TXNRD1: variants seen among roughly 807,000 people sequenced by gnomAD.
TXNRD1 encodes the protein thioredoxin reductase 1.
A neutral mutation model predicts 80.3 loss-of-function variants in TXNRD1; 57 were observed. That is an observed-to-expected ratio of 0.71 (90% CI 0.57 to 0.89). The LOEUF (loss-of-function observed/expected upper bound fraction) is 0.89, where lower values mean the gene tolerates loss of function less well. Ranked by LOEUF, TXNRD1 falls within the 40% of genes least tolerant of loss-of-function variation. TXNRD1 has a pLI of 0.00. For synonymous variants in TXNRD1, 291 were observed against 285.2 expected (o/e 1.02, Z -0.20); for missense variants, 730 against 803.0 (o/e 0.91, Z 1.10).
At position 104,294,233 on chromosome 12, in the gene TXNRD1, G is replaced by GCC. The variant is rs1555212585; in HGVS notation, c.414+5203_414+5204dup. ...CTTCTCTAAACTCCCCCGGGGAAAG[G>GCC]CCCCCCCCCCCGCCGCCGGCTTTCC... On this transcript the variant is annotated intron_variant, in intron 4 of 16. Coordinates refer to ENST00000525566, the MANE Select transcript of TXNRD1 (RefSeq NM_001093771.3). 1.8e-3 allele frequency among the ~76,000 whole-genome samples: 127 copies of GCC among 68,898 alleles called. 10 individuals are homozygous for GCC. Among genetic ancestry groups the GCC allele is most frequent in the South Asian group, 7.7e-3 (10 of 1,296 alleles). 45.2% of individuals were successfully genotyped at this position (68,898 alleles called of 152,430 possible).
chr12:104,307,538 G>A (rs951135547), intron 4 of TXNRD1, among the ~76,000 whole-genome samples: 7 of 152,184 alleles, frequency 4.6e-5, no homozygotes, highest in African/African-American at 1.4e-4. Context: ...TGTTAGCTTC[G>A]TTAAGGATTA....
rs1313940871 is a variant in TXNRD1 at position 104,258,078 on chromosome 12, A to T, written c.303A>T (p.Thr101=). ...ATTTTGTGCTTGAACTTGATCAAAC[A>T]GGTAAGTTTCTGTTTAATATGTAAA... The part of the protein sequence containing the change: ...VPYFVLELDQ[T]EDGRALEGTL... Residue 101 remains threonine, a splice_region_variant and synonymous_variant, in exon 3 of 17, where the codon ACA becomes ACT. Coordinates refer to ENST00000525566, the MANE Select transcript of TXNRD1 (RefSeq NM_001093771.3). 3 of 1,547,596 alleles carry T rather than the reference A, an allele frequency of 1.9e-6. No individual in the cohort carries two copies. Among genetic ancestry groups the T allele is most frequent in the Non-Finnish European group, 2.6e-6 (3 of 1,142,884 alleles).
chr12:104,288,789 G>A, intron 3 of TXNRD1, 142 bp from the exon 4 acceptor site: 2 of 1,566,336 alleles, frequency 1.3e-6, no homozygotes, highest in Non-Finnish European at 1.7e-6. Context: ...AATGCAGCAA[G>A]TCATGCTAAC....
intron 16 of TXNRD1, among the ~76,000 whole-genome samples, chr12:104,347,980 T>C (rs757952359): frequency 6.6e-6 from 1 of 152,098 alleles, no homozygotes; most frequent in Non-Finnish European, 1.5e-5. Context: ...AAAAGGCCAA[T>C]GGGGTGGCAC....
chr12:104,242,446 G>A (rs2135695831), intron 1 of TXNRD1, among the ~76,000 whole-genome samples: 1 of 151,946 alleles, frequency 6.6e-6, no homozygotes, highest in South Asian at 2.1e-4. Flanking sequence ...TACTTGGGAG[G>A]CTGAGGCAGG....
chr12:104,242,152 T>A (rs1310349427), intron 1 of TXNRD1, among the ~76,000 whole-genome samples: 1 of 151,402 alleles, frequency 6.6e-6, no homozygotes, highest in Non-Finnish European at 1.5e-5. Flanking sequence ...TTGGCCAGAG[T>A]GGTCTTGAAC....
chr12:104,277,325 G>A (rs552965753), intron 3 of TXNRD1, among the ~76,000 whole-genome samples: 8 of 151,672 alleles, frequency 5.3e-5, no homozygotes, highest in African/African-American at 9.7e-5. Flanking sequence ...ACATGAACCC[G>A]GGAGGCGGAG....
chr12:104,327,193 G>T (rs917826936), intron 12 of TXNRD1, among the ~76,000 whole-genome samples: 1 of 152,184 alleles, frequency 6.6e-6, no homozygotes, highest in Non-Finnish European at 1.5e-5. Context: ...ATTCACATTA[G>T]TGTTTCCTGT....
intron 2 of TXNRD1, among the ~76,000 whole-genome samples, chr12:104,252,654 ATTATT>A (rs1475644521): frequency 5.0e-4 from 5 of 9,916 alleles, no homozygotes; most frequent in Non-Finnish European, 9.0e-4. Flanking sequence ...AGGTTAATTT[ATTATT>A]TTTTATATAT....
intron 4 of TXNRD1, among the ~76,000 whole-genome samples, chr12:104,301,378 C>T (rs1030448118): frequency 6.6e-6 from 1 of 152,062 alleles, no homozygotes; most frequent in African/African-American, 2.4e-5. Flanking sequence ...CGCTCTGTCG[C>T]CCAGGCTGGA....
chr12:104,255,914 T>A (rs576470507), intron 2 of TXNRD1, among the ~76,000 whole-genome samples: 41 of 152,330 alleles, frequency 2.7e-4, no homozygotes, highest in African/African-American at 9.4e-4. Context: ...GATTTCAGAT[T>A]GTTTTCAGAT....
At chr12:104,294,235 C>CGTG (rs201276650) in intron 4 of TXNRD1, among the ~76,000 whole-genome samples, 3,373 of 117,414 alleles carry the variant, frequency 0.029, 908 homozygotes, top group African/African-American at 0.1. Context: ...GGGGAAAGGC[C>CGTG]CCCCCCCCCG....
At chr12:104,300,610 G>T (rs1324701572) in intron 4 of TXNRD1, among the ~76,000 whole-genome samples, 1 of 152,162 alleles carries the variant, frequency 6.6e-6, no homozygotes, top group African/African-American at 2.4e-5. Flanking sequence ...TATATGATTG[G>T]GGAGAGTTAT....
intron 16 of TXNRD1, among the ~76,000 whole-genome samples, chr12:104,340,718 C>G (rs967275468): frequency 6.6e-6 from 1 of 152,172 alleles, no homozygotes; most frequent in East Asian, 1.9e-4. Flanking sequence ...AGGGCCCACT[C>G]TAATCCAACA....
Position 104,309,721 on chromosome 12 carries a change from C to G in TXNRD1, c.415-1569C>G, listed in dbSNP as rs35205057. 2.5e-3 allele frequency: 3,641 copies of G among 1,437,036 alleles called. 72 individuals carry two copies. In the African/African-American group the frequency reaches 0.043, roughly 17 times the overall value. The allele number at this position is 1,437,036 out of a possible 1,614,324, so 89.0% of individuals were successfully genotyped here. ...CTTGAAGCATAATTGATCCTTTGAT[C>G]GAATGGCTATTATTACCAAATTGTT... is the stretch of plus-strand genomic sequence containing the variant. On this transcript the variant is annotated intron_variant, in intron 4 of 16. Coordinates refer to ENST00000525566, the MANE Select transcript of TXNRD1 (RefSeq NM_001093771.3).
At chr12:104,307,559 C>T (rs567763548) in intron 4 of TXNRD1, among the ~76,000 whole-genome samples, 7 of 152,258 alleles carry the variant, frequency 4.6e-5, no homozygotes, top group Admixed American at 6.5e-5. Context: ...GGTGATTGGT[C>T]GAAGTCACCT....
chr12:104,243,537 T>C (rs2032919869), intron 1 of TXNRD1, among the ~76,000 whole-genome samples: 1 of 152,214 alleles, frequency 6.6e-6, no homozygotes, highest in African/African-American at 2.4e-5. Flanking sequence ...TCTTACTTTG[T>C]TAAAAGGAAT....
chr12:104,232,192 C>T (rs12296767), intron 1 of TXNRD1, among the ~76,000 whole-genome samples: 11,507 of 152,230 alleles, frequency 0.076, 558 homozygotes, highest in Middle Eastern at 0.17. Flanking sequence ...GGATTGTATC[C>T]TCAAATATCT....
chr12:104,340,231 T>A (rs2036276002), intron 16 of TXNRD1, among the ~76,000 whole-genome samples: 1 of 152,252 alleles, frequency 6.6e-6, no homozygotes, highest in Non-Finnish European at 1.5e-5. Flanking sequence ...AGAAAGCTGC[T>A]GTTTTTGTGA....
Sources: gnomAD v4.1 joint callset for allele counts (sites outside exome capture counted in the v4.1 genomes callset) on GRCh38, gnomAD v4.1.1 for gene constraint, MANE v1.5 for transcripts, NCBI Gene and HGNC (gene_info 2026-07-23, HGNC 2026-07-21) for gene names.